Variants in GPR155 observed in about 807,000 individuals in gnomAD.
The protein encoded by GPR155 is G protein-coupled receptor 155, also known as lysosomal cholesterol signaling protein.
A neutral mutation model predicts 93.1 loss-of-function variants in GPR155; 65 were observed. That is an observed-to-expected ratio of 0.70 (90% confidence interval 0.57 to 0.86). The LOEUF (loss-of-function observed/expected upper bound fraction) is 0.86, where lower values mean the gene tolerates loss of function less well. Ranked by LOEUF, GPR155 falls within the 40% of genes least tolerant of loss-of-function variation. The pLI, the probability that GPR155 is intolerant of heterozygous loss-of-function variation, is 0.00. For missense variants in GPR155, 838 were observed against 1,034.8 expected, an observed-to-expected ratio of 0.81 and a Z score of 2.61; for synonymous variants, 319 against 360.1, an observed-to-expected ratio of 0.89 and a Z score of 1.29.
At position 174,462,740 on chromosome 2, in the gene GPR155, C is replaced by A. The variant is rs571061381; in HGVS notation, c.1385-1068G>T. 2.0e-4 allele frequency among the ~76,000 whole-genome samples: 31 copies of A among 152,316 alleles called. No homozygotes were observed. In the South Asian group the frequency reaches 5.0e-3, roughly 24 times the overall value. On this transcript the variant is annotated intron_variant, in intron 7 of 15. Coordinates refer to ENST00000392552, the MANE Select transcript of GPR155 (RefSeq NM_152529.7). ...AAACGCCCTAAGTGTAATGATAGCA[C>A]TTAATACAAACACACTCTGAATTTA...
chr2:174,485,730 C>G (rs1462418064), intron 1 of GPR155, among the ~76,000 whole-genome samples: 1 of 151,898 alleles, frequency 6.6e-6, no homozygotes, highest in Admixed American at 6.6e-5. Context: ...TCATTTCATC[C>G]TAATCTTTTT....
At chr2:174,468,045 A>C (rs1286317943) in intron 5 of GPR155, among the ~76,000 whole-genome samples, 1 of 152,126 alleles carries the variant, frequency 6.6e-6, no homozygotes, top group Non-Finnish European at 1.5e-5. Flanking sequence ...CACATTCCTC[A>C]TATTTTAAAG....
intron 3 of GPR155, among the ~76,000 whole-genome samples, chr2:174,471,477 A>G (rs1263071859): frequency 6.6e-6 from 1 of 151,798 alleles, no homozygotes; most frequent in African/African-American, 2.4e-5. Flanking sequence ...GTAAAAAAAA[A>G]AAAAAAAAAA....
At chr2:174,484,071 G>A (rs576562157) in intron 1 of GPR155, among the ~76,000 whole-genome samples, 4 of 152,166 alleles carry the variant, frequency 2.6e-5, no homozygotes, top group Non-Finnish European at 5.9e-5. Context: ...TAGCTGGCGT[G>A]GGTACAAGGG....
chr2:174,465,628 A>G (rs576217034), intron 7 of GPR155, among the ~76,000 whole-genome samples, 157 bp downstream of exon 7: 2 of 152,334 alleles, frequency 1.3e-5, no homozygotes, highest in Admixed American at 1.3e-4. Flanking sequence ...AACAGAACTC[A>G]GCTTTGCCGA....
At chr2:174,452,728 C>G (rs1028791242) in intron 11 of GPR155, among the ~76,000 whole-genome samples, 14 of 152,146 alleles carry the variant, frequency 9.2e-5, no homozygotes, top group Non-Finnish European at 1.8e-4. Flanking sequence ...TCACTGCAAC[C>G]TCCGCCTCCT....
chr2:174,475,122 C>T (rs1447250077), intron 2 of GPR155, among the ~76,000 whole-genome samples: 3 of 149,902 alleles, frequency 2.0e-5, no homozygotes, highest in Admixed American at 6.7e-5. Context: ...GGTGAAACCC[C>T]GTCTCTACTA....
intron 11 of GPR155, among the ~76,000 whole-genome samples, chr2:174,451,787 A>C (rs915809975): frequency 2.0e-5 from 3 of 152,144 alleles, no homozygotes; most frequent in African/African-American, 4.8e-5. Flanking sequence ...CTGGGATTAC[A>C]GGCATGAGCC....
chr2:174,469,472 C>G (rs1242066916), intron 4 of GPR155, among the ~76,000 whole-genome samples: 1 of 152,076 alleles, frequency 6.6e-6, no homozygotes, highest in East Asian at 1.9e-4. Flanking sequence ...GATTAAATAA[C>G]AGAATTGACC....
intron 10 of GPR155, among the ~76,000 whole-genome samples, chr2:174,456,851 A>G (rs1687534315): frequency 6.6e-6 from 1 of 152,358 alleles, no homozygotes; most frequent in Non-Finnish European, 1.5e-5. Flanking sequence ...GCATATAAAA[A>G]TACTATATAT....
chr2:174,467,599 G>C (rs1021313555), intron 5 of GPR155, among the ~76,000 whole-genome samples: 45 of 152,226 alleles, frequency 3.0e-4, no homozygotes, highest in African/African-American at 1.1e-3. Context: ...GCTTTAGTGG[G>C]AGATAGTTAT....
chr2:174,483,484 C>A (rs1688388458), intron 1 of GPR155, among the ~76,000 whole-genome samples: 1 of 152,196 alleles, frequency 6.6e-6, no homozygotes, highest in Non-Finnish European at 1.5e-5. Flanking sequence ...ATCAGACCCC[C>A]TCTTGCTGCC....
At chr2:174,436,488 A>G in intron 15 of GPR155, 72 bp from the exon 16 acceptor site, 2 of 1,385,526 alleles carry the variant, frequency 1.4e-6, no homozygotes, top group East Asian at 4.6e-5. Context: ...GAGGACAAGC[A>G]AGAAAAAATA....
chr2:174,465,710 A>C lies in GPR155; in HGVS notation c.1384+75T>G, dbSNP rs190397463. On this transcript the variant is annotated intron_variant, in intron 7 of 15. Transcript: ENST00000392552. The stretch of plus-strand genomic sequence containing the variant: ...TGTACTACCAGACTTCAAATAGATC[A>C]CTAGAAGCTCAGGGCTATTAGGAAT... 8 of 740,316 alleles carry C rather than the reference A, an allele frequency of 1.1e-5. No homozygotes were observed. In the Admixed American group the frequency reaches 1.8e-4, roughly 16 times the overall value. 45.9% of individuals were successfully genotyped at this position (740,316 alleles called of 1,614,324 possible). A position where few individuals can be genotyped will look rare whatever the true frequency, so the allele number is the denominator to read the frequency against.
chr2:174,452,846 T>C (rs920220120), intron 11 of GPR155, among the ~76,000 whole-genome samples: 2 of 152,134 alleles, frequency 1.3e-5, no homozygotes, highest in Non-Finnish European at 2.9e-5. Flanking sequence ...GAGACGGGGT[T>C]TCACCATGTT....
At chr2:174,471,825 A>G (rs1050877168) in intron 3 of GPR155, among the ~76,000 whole-genome samples, 1 of 152,226 alleles carries the variant, frequency 6.6e-6, no homozygotes. Flanking sequence ...TGATAATACC[A>G]TTATTGTTTA....
At chr2:174,465,985 G>C (rs973999484) in intron 6 of GPR155, 83 bp from the exon 7 acceptor site, 21 of 641,796 alleles carry the variant, frequency 3.3e-5, no homozygotes, top group East Asian at 1.0e-4. Context: ...TTCCAATTAA[G>C]CCAGCCATAT....
rs367799735 is a variant in GPR155, at chr2:174,469,099, A to C, written c.1027-32T>G. ...AAATGAAATCAAACAGAGGAGTTACAATCTCAATTAAACAGTATTTTAAAC... is the reference window on the plus strand; with the variant it reads ...AAATGAAATCAAACAGAGGAGTTACCATCTCAATTAAACAGTATTTTAAAC... On this transcript the variant is annotated intron_variant, in intron 4 of 15. Transcript: ENST00000392552. 7.5e-6 allele frequency: 12 copies of C among 1,598,462 alleles called. No individual in the cohort carries two copies. In the South Asian group the frequency reaches 1.3e-4, roughly 18 times the overall value.
chr2:174,439,628 G>A (rs916356385), intron 15 of GPR155, among the ~76,000 whole-genome samples: 8 of 152,080 alleles, frequency 5.3e-5, no homozygotes, highest in African/African-American at 1.9e-4. Flanking sequence ...ATGACATTTT[G>A]GTTCACTCTA....
Sources: gnomAD v4.1 joint callset for allele counts (sites outside exome capture counted in the v4.1 genomes callset) on GRCh38, gnomAD v4.1.1 for gene constraint, MANE v1.5 for transcripts, NCBI Gene and HGNC (gene_info 2026-07-23, HGNC 2026-07-21) for gene names.